Variants in NEGR1 observed in about 807,000 individuals in gnomAD.
NEGR1 encodes neuronal growth regulator 1.
Under a neutral mutation model 40.9 loss-of-function variants are expected in NEGR1, and 10 were observed. The observed-to-expected ratio is 0.24, with a 90% confidence interval of 0.15 to 0.42. The LOEUF (loss-of-function observed/expected upper bound fraction) is 0.42, where lower values mean the gene tolerates loss of function less well. Ranked by LOEUF, NEGR1 falls within the 10% of genes least tolerant of loss-of-function variation. NEGR1 has a pLI of 1.00. For synonymous variants in NEGR1, 185 were observed against 166.8 expected (o/e 1.11, Z -0.84); for missense variants, 352 against 438.9 (o/e 0.80, Z 1.77).
At chr1:71,811,204 A>C (rs184493565) in intron 2 of NEGR1, among the ~76,000 whole-genome samples, 33 of 152,240 alleles carry the variant, frequency 2.2e-4, no homozygotes, top group African/African-American at 7.9e-4. Flanking sequence ...CGAAATATTA[A>C]AAGCAAATCC....
intron 6 of NEGR1, among the ~76,000 whole-genome samples, chr1:71,492,264 C>T (rs183816180): frequency 1.2e-4 from 18 of 152,174 alleles, no homozygotes; most frequent in Non-Finnish European, 1.9e-4. Flanking sequence ...TAGAGACTTA[C>T]GGGAGTGAGC....
intron 3 of NEGR1, among the ~76,000 whole-genome samples, chr1:71,729,872 G>A (rs1654800054): frequency 6.6e-6 from 1 of 150,770 alleles, no homozygotes; most frequent in Non-Finnish European, 1.5e-5. Flanking sequence ...TAAAGATGGG[G>A]TTTTTCCATG....
intron 1 of NEGR1, among the ~76,000 whole-genome samples, chr1:72,073,975 G>T (rs1557513337): frequency 6.6e-6 from 1 of 151,974 alleles, no homozygotes; most frequent in Non-Finnish European, 1.5e-5. Flanking sequence ...ATTAAAAATG[G>T]AAGCTTAAAT....
rs1240143395 is a variant in NEGR1, at chr1:72,249,926, T to C, written c.176+32393A>G. 2.0e-5 allele frequency among the ~76,000 whole-genome samples: 3 copies of C among 152,216 alleles called. No homozygotes were observed. The East Asian group carries it at 5.8e-4, about 29-fold the overall frequency. ...TCAAGCAACATTTGATAGCTCTGTA[T>C]TTGTACCAGTAATGACAAAAACCTC... On this transcript the variant is annotated intron_variant, in intron 1 of 6. Coordinates refer to ENST00000357731, the MANE Select transcript of NEGR1 (RefSeq NM_173808.3).
intron 1 of NEGR1, among the ~76,000 whole-genome samples, chr1:72,123,406 A>G (rs1649880302): frequency 1.3e-5 from 2 of 151,888 alleles, no homozygotes; most frequent in African/African-American, 4.8e-5. Context: ...TTTGTTTAAA[A>G]CCGTATAACT....
rs924069309 is a variant in NEGR1 at position 71,397,214 on chromosome 1, T to A, written c.*10232A>T. On this transcript the variant is annotated 3_prime_UTR_variant, in exon 7 of 7. Transcript: ENST00000357731. ...ATTTTGCCCTTGCCCTAGAGATGTG[T>A]AGAACTTTGAAGTTGAGAGAGGTGA... 1 of 152,712 alleles carries A rather than the reference T, an allele frequency of 6.5e-6. No homozygotes were observed. The highest frequency in any genetic ancestry group is 1.5e-5 in the Non-Finnish European group (1 of 68,452). 9.5% of individuals were successfully genotyped at this position (152,712 alleles called of 1,614,324 possible).
At chr1:71,872,695 C>A (rs913907707) in intron 2 of NEGR1, among the ~76,000 whole-genome samples, 2 of 152,148 alleles carry the variant, frequency 1.3e-5, no homozygotes, top group African/African-American at 4.8e-5. Flanking sequence ...TATAGTTTAG[C>A]ACATTTTGAC....
At chr1:71,660,137 T>C (rs892017558) in intron 4 of NEGR1, among the ~76,000 whole-genome samples, 15 of 152,196 alleles carry the variant, frequency 9.9e-5, no homozygotes, top group African/African-American at 3.4e-4. Context: ...TGGAACACTA[T>C]GCAGTCATAA....
intron 6 of NEGR1, among the ~76,000 whole-genome samples, chr1:71,592,438 A>C (rs1235254751): frequency 6.6e-6 from 1 of 152,198 alleles, no homozygotes; most frequent in African/African-American, 2.4e-5. Context: ...AAACCAACCA[A>C]GAGTAAATTC....
intron 1 of NEGR1, among the ~76,000 whole-genome samples, chr1:72,143,921 A>AT (rs1195982869): frequency 2.6e-3 from 201 of 77,248 alleles, no homozygotes; most frequent in Non-Finnish European, 4.8e-3. Context: ...TATAATATAT[A>AT]TATATATATA....
At chr1:71,822,084 A>G (rs1037921438) in intron 2 of NEGR1, among the ~76,000 whole-genome samples, 1 of 151,964 alleles carries the variant, frequency 6.6e-6, no homozygotes, top group Non-Finnish European at 1.5e-5. Flanking sequence ...CTTATACTGT[A>G]TGCTTGAAAG....
intron 6 of NEGR1, among the ~76,000 whole-genome samples, chr1:71,452,854 C>A (rs1248502504): frequency 6.6e-6 from 1 of 150,970 alleles, no homozygotes; most frequent in African/African-American, 2.4e-5. Flanking sequence ...CCACCTCCAA[C>A]AACAATGTAA....
intron 1 of NEGR1, among the ~76,000 whole-genome samples, chr1:72,195,752 G>T (rs1182041477): frequency 2.0e-5 from 3 of 151,852 alleles, no homozygotes; most frequent in African/African-American, 7.3e-5. Context: ...ATTTAGGAAT[G>T]ATTGATACCT....
intron 1 of NEGR1, among the ~76,000 whole-genome samples, chr1:72,171,120 T>C (rs1472502042): frequency 2.6e-5 from 4 of 152,142 alleles, no homozygotes; most frequent in African/African-American, 9.7e-5. Context: ...CTGGGTGTAT[T>C]TCAGAATGGC....
intron 1 of NEGR1, among the ~76,000 whole-genome samples, chr1:72,195,093 T>C (rs1341536897): frequency 6.6e-6 from 1 of 152,064 alleles, no homozygotes; most frequent in Non-Finnish European, 1.5e-5. Context: ...TATCAAAGAT[T>C]GTCACATAGC....
Position 71,776,297 on chromosome 1 carries a change from A to G in NEGR1, c.410T>C (p.Val137Ala). 6.4e-7 allele frequency: 1 copy of G among 1,558,396 alleles called. No homozygotes were observed. Among genetic ancestry groups the G allele is most frequent in the Admixed American group, 1.8e-5 (1 of 54,364 alleles). The stretch of plus-strand genomic sequence containing the variant: ...TGAGATGTCATATATCTTAGGAGGA[A>G]CTGAAATGACAAAATACGCAGTGAT... ...RTMQVHLTVQVPPKIYDISND... is the reference protein window; with the variant it reads ...RTMQVHLTVQAPPKIYDISND... Residue 137 changes from valine (V) to alanine (A), a missense_variant and splice_region_variant, in exon 3 of 7, where the codon GTT becomes GCT. Transcript: ENST00000357731.
intron 1 of NEGR1, among the ~76,000 whole-genome samples, chr1:72,070,122 G>T: frequency 6.6e-6 from 1 of 151,950 alleles, no homozygotes; most frequent in South Asian, 2.1e-4. Flanking sequence ...AAATAAAAAT[G>T]TATTTAATAT....
At chr1:71,522,238 T>A (rs895578311) in intron 6 of NEGR1, among the ~76,000 whole-genome samples, 1 of 152,008 alleles carries the variant, frequency 6.6e-6, no homozygotes, top group Non-Finnish European at 1.5e-5. Context: ...AAGCCCAGTA[T>A]GTAGCACATA....
intron 1 of NEGR1, among the ~76,000 whole-genome samples, chr1:72,209,784 C>T (rs959392075): frequency 2.4e-4 from 37 of 151,832 alleles, no homozygotes; most frequent in Admixed American, 1.8e-3. Flanking sequence ...CTGTAACAAA[C>T]GGACAACTAT....
Sources: allele counts gnomAD v4.1 joint callset (sites outside exome capture counted in the v4.1 genomes callset), GRCh38; gene constraint gnomAD v4.1.1; transcripts MANE v1.5; gene names NCBI Gene and HGNC (gene_info 2026-07-23, HGNC 2026-07-21).